The following CFAP299 variants were observed in gnomAD, a reference collection of about 807,000 sequenced individuals.
CFAP299 encodes the protein cilia- and flagella-associated protein 299.
In CFAP299, 21 loss-of-function variants were observed where a neutral mutation model predicts 27.0. That is an observed-to-expected ratio of 0.78 (90% CI 0.55 to 1.12). CFAP299 has a LOEUF of 1.12. CFAP299 is among the 50% of genes most tolerant of loss of function. CFAP299 has a pLI of 0.00. For missense variants in CFAP299, 310 were observed against 276.6 expected (o/e 1.12, Z -0.86); for synonymous variants, 104 against 98.1 (o/e 1.06, Z -0.36).
intron 3 of CFAP299, among the ~76,000 whole-genome samples, chr4:80,788,020 G>A (rs917403856): frequency 4.0e-5 from 6 of 151,844 alleles, no homozygotes; most frequent in Non-Finnish European, 4.4e-5. Flanking sequence ...AGATTCCTGC[G>A]ACTCACTCTC....
intron 4 of CFAP299, among the ~76,000 whole-genome samples, chr4:80,889,025 A>C (rs957649545): frequency 6.7e-6 from 1 of 150,300 alleles, no homozygotes; most frequent in Non-Finnish European, 1.5e-5. Context: ...AAAAAAAAAA[A>C]AAAAAAAAGA....
chr4:80,845,279 GTT>G (rs200523960), intron 3 of CFAP299, among the ~76,000 whole-genome samples: 3 of 134,580 alleles, frequency 2.2e-5, no homozygotes, highest in Non-Finnish European at 4.7e-5. Flanking sequence ...GTCCCACACT[GTT>G]TTTTTTTTTT....
At chr4:80,904,436 T>C (rs1340459728) in intron 4 of CFAP299, among the ~76,000 whole-genome samples, 2 of 152,272 alleles carry the variant, frequency 1.3e-5, no homozygotes, top group African/African-American at 4.8e-5. Context: ...TTGCTTGGGT[T>C]CTATGGGGAA....
intron 3 of CFAP299, among the ~76,000 whole-genome samples, chr4:80,773,278 A>G (rs1277745051): frequency 6.6e-6 from 1 of 152,182 alleles, no homozygotes; most frequent in East Asian, 1.9e-4. Context: ...AATTCAGAAT[A>G]GTATAAAACA....
At chr4:80,608,257 A>C in intron 3 of CFAP299, 2 of 957,862 alleles carry the variant, frequency 2.1e-6, no homozygotes, top group Non-Finnish European at 1.6e-6. Flanking sequence ...GTGGGGTTCA[A>C]GCTATACTTT....
chr4:80,816,113 A>G (rs1729408256), intron 3 of CFAP299, among the ~76,000 whole-genome samples: 1 of 152,048 alleles, frequency 6.6e-6, no homozygotes, highest in Non-Finnish European at 1.5e-5. Context: ...CAATAAATTC[A>G]TAAAGTACAT....
upstream of CFAP299, among the ~76,000 whole-genome samples, chr4:80,335,212 A>T (rs1025132407): frequency 2.0e-5 from 3 of 152,166 alleles, no homozygotes; most frequent in East Asian, 1.9e-4. Flanking sequence ...CTGCAAAGAC[A>T]TTTTTTTGAC....
intron 3 of CFAP299, among the ~76,000 whole-genome samples, chr4:80,738,674 T>TA (rs1438168886): frequency 2.6e-5 from 4 of 151,606 alleles, no homozygotes; most frequent in Admixed American, 6.6e-5. Context: ...TTTTTTTTTT[T>TA]AACCCTTTCA....
At chr4:80,508,246 T>G (rs1474636762) in intron 2 of CFAP299, among the ~76,000 whole-genome samples, 11 of 152,214 alleles carry the variant, frequency 7.2e-5, no homozygotes, top group Non-Finnish European at 2.9e-5. Context: ...ATAAATTGCT[T>G]CATGGAGAGG....
intron 3 of CFAP299, among the ~76,000 whole-genome samples, chr4:80,851,122 C>T (rs1031757632): frequency 1.3e-5 from 2 of 151,938 alleles, no homozygotes; most frequent in Non-Finnish European, 2.9e-5. Context: ...GGAAAAACCT[C>T]AAAACTGGAG....
chr4:80,700,252 A>G (rs1721387754), intron 3 of CFAP299, among the ~76,000 whole-genome samples: 2 of 152,106 alleles, frequency 1.3e-5, no homozygotes, highest in South Asian at 4.1e-4. Context: ...GTTCTTTATC[A>G]AATAATATTA....
chr4:80,415,042 A>T (rs1219436432), intron 2 of CFAP299, among the ~76,000 whole-genome samples: 1 of 152,220 alleles, frequency 6.6e-6, no homozygotes. Context: ...ATAAAATTAC[A>T]TAGATGGGGA....
At chr4:80,901,775 GT>G (rs1201275148) in intron 4 of CFAP299, among the ~76,000 whole-genome samples, 2 of 152,020 alleles carry the variant, frequency 1.3e-5, no homozygotes, top group Non-Finnish European at 2.9e-5. Context: ...ACCTACTTTA[GT>G]TTTGAATATG....
intron 2 of CFAP299, among the ~76,000 whole-genome samples, chr4:80,497,249 G>C (rs1731497436): frequency 6.6e-6 from 1 of 152,146 alleles, no homozygotes; most frequent in Non-Finnish European, 1.5e-5. Context: ...CAGCCTGAGA[G>C]ACAGACTAAG....
intron 4 of CFAP299, among the ~76,000 whole-genome samples, chr4:80,907,537 G>T (rs1262672985): frequency 2.6e-5 from 4 of 152,186 alleles, no homozygotes; most frequent in Non-Finnish European, 5.9e-5. Flanking sequence ...GTCCTGCAGG[G>T]CTGAGGAGGC....
chr4:80,909,830 G>C (rs910559736), intron 4 of CFAP299, among the ~76,000 whole-genome samples: 8 of 152,054 alleles, frequency 5.3e-5, no homozygotes, highest in African/African-American at 1.9e-4. Flanking sequence ...TCAAATTTCA[G>C]TATTTTTCTG....
chr4:80,858,662 A>G (rs1246861395), intron 3 of CFAP299, among the ~76,000 whole-genome samples: 1 of 152,084 alleles, frequency 6.6e-6, no homozygotes, highest in Non-Finnish European at 1.5e-5. Context: ...TCATTTCATT[A>G]TGTACCCAGT....
intron 2 of CFAP299, among the ~76,000 whole-genome samples, chr4:80,411,355 T>A (rs1235725530): frequency 6.6e-6 from 1 of 152,166 alleles, no homozygotes; most frequent in Non-Finnish European, 1.5e-5. Flanking sequence ...AATCATTACT[T>A]CATTTAGTTT....
chr4:80,695,486 A>C (rs1284013658), intron 3 of CFAP299, among the ~76,000 whole-genome samples: 1 of 152,184 alleles, frequency 6.6e-6, no homozygotes, highest in Non-Finnish European at 1.5e-5. Context: ...TACATGGAGA[A>C]TAAGACCCGA....
Sources: gnomAD v4.1 joint callset for allele counts (sites outside exome capture counted in the v4.1 genomes callset) on GRCh38, gnomAD v4.1.1 for gene constraint, MANE v1.5 for transcripts, NCBI Gene and HGNC (gene_info 2026-07-23, HGNC 2026-07-21) for gene names.